WAPL: variants seen among roughly 807,000 people sequenced by gnomAD.
WAPL encodes the protein wings apart-like protein homolog.
In WAPL, 5 loss-of-function variants were observed where a neutral mutation model predicts 121.0. That is an observed-to-expected ratio of 0.04 (90% CI 0.02 to 0.09). WAPL has a LOEUF of 0.09. Among genes scored for constraint, WAPL ranks in the 10% least tolerant of loss-of-function variants. The pLI is 1.00. For synonymous variants in WAPL, 480 were observed against 481.5 expected (o/e 1.00, Z 0.04); for missense variants, 999 against 1,410.8 (o/e 0.71, Z 4.68).
intron 17 of WAPL, among the ~76,000 whole-genome samples, chr10:86,438,578 G>C (rs1849384651): frequency 6.6e-6 from 1 of 152,206 alleles, no homozygotes; most frequent in Non-Finnish European, 1.5e-5. Flanking sequence ...AAAGAAAAAG[G>C]CCTGAAATAA....
chr10:86,487,864 C>T (rs1474187606), intron 4 of WAPL, among the ~76,000 whole-genome samples: 1 of 152,130 alleles, frequency 6.6e-6, no homozygotes, highest in African/African-American at 2.4e-5. Context: ...CACTGCACTC[C>T]AGCCTGGGCA....
In WAPL at chr10:86,437,615, G is replaced by A. The variant is rs771007420; in HGVS notation, c.3508-7C>T. On this transcript the variant is annotated splice_region_variant and splice_polypyrimidine_tract_variant and intron_variant, in intron 18 of 18. Transcript: ENST00000298767. ...CAGTTGTTCCAACAGCACACTGAAA[G>A]CAGGGTGAAGGGGAAAGGAAGTAAC... The A allele has an allele frequency of 6.2e-7, 1 of 1,613,580 alleles. No individual in the cohort carries two copies. The highest frequency in any genetic ancestry group is 1.3e-5 in the African/African-American group (1 of 74,906).
intron 1 of WAPL, among the ~76,000 whole-genome samples, chr10:86,521,125 G>C (rs372125157): frequency 6.6e-6 from 1 of 152,244 alleles, no homozygotes; most frequent in African/African-American, 2.4e-5. Context: ...ACTCGGGGCT[G>C]AAATCAACAC....
At position 86,521,790 on chromosome 10, in the gene WAPL, C is replaced by T. The variant is rs1842688551; in HGVS notation, c.-448G>A. 5 of 434,868 alleles carry T rather than the reference C, an allele frequency of 1.1e-5. No individual in the cohort carries two copies. Among genetic ancestry groups the T allele is most frequent in the Admixed American group, 2.6e-5 (1 of 38,470 alleles). 26.9% of individuals were successfully genotyped at this position (434,868 alleles called of 1,614,324 possible). ...TTCCTCCAACAGCCGCTCGCTCCGT[C>T]ACTCCGCTTCCCACAGTCCCCGCGC... On this transcript the variant is annotated 5_prime_UTR_variant, in exon 1 of 19. Coordinates refer to ENST00000298767, the MANE Select transcript of WAPL (RefSeq NM_015045.5).
chr10:86,489,400 G>A (rs1841993960), intron 4 of WAPL, among the ~76,000 whole-genome samples: 1 of 152,186 alleles, frequency 6.6e-6, no homozygotes, highest in Non-Finnish European at 1.5e-5. Flanking sequence ...TGGGTATTCT[G>A]TGGCAGTAAA....
chr10:86,454,654 C>T (rs1336638454), intron 12 of WAPL, among the ~76,000 whole-genome samples: 1 of 152,148 alleles, frequency 6.6e-6, no homozygotes, highest in East Asian at 1.9e-4. Context: ...CCAGCCGCCA[C>T]CCTGTCTGGG....
intron 4 of WAPL, among the ~76,000 whole-genome samples, chr10:86,481,946 CTG>C (rs1841801021): frequency 6.6e-6 from 1 of 152,024 alleles, no homozygotes; most frequent in South Asian, 2.1e-4. Flanking sequence ...ACAGCAAACA[CTG>C]TGAAGAGAAG....
rs578256677 is a variant in WAPL, at chr10:86,521,693, A to C, written c.-351T>G. 6.3e-4 allele frequency: 293 copies of C among 463,804 alleles called. 5 individuals carry two copies. In the East Asian group the frequency reaches 0.021, roughly 33 times the overall value. 28.7% of individuals were successfully genotyped at this position (463,804 alleles called of 1,614,324 possible). A position where few individuals can be genotyped will look rare whatever the true frequency, so the allele number is the denominator to read the frequency against. On this transcript the variant is annotated 5_prime_UTR_variant, in exon 1 of 19. Coordinates refer to ENST00000298767, the MANE Select transcript of WAPL (RefSeq NM_015045.5). ...CCTGCGCCGCCGCTTCCGCCGGTGAATGGTCAGTGCTGGAGTTTGAACAGG... is the reference window on the plus strand; with the variant it reads ...CCTGCGCCGCCGCTTCCGCCGGTGACTGGTCAGTGCTGGAGTTTGAACAGG...
At chr10:86,473,611 T>C (rs548779569) in intron 5 of WAPL, among the ~76,000 whole-genome samples, 1 of 152,284 alleles carries the variant, frequency 6.6e-6, no homozygotes, top group South Asian at 2.1e-4. Flanking sequence ...ATACTATAAA[T>C]TCCATGAAAT....
Position 86,446,300 on chromosome 10 carries a change from A to C in WAPL, c.3264T>G (p.Asp1088Glu), listed in dbSNP as rs1417045964. The C allele has an allele frequency of 5.6e-6, 9 of 1,613,944 alleles. No homozygotes were observed. Among genetic ancestry groups the C allele is most frequent in the Non-Finnish European group, 6.8e-6 (8 of 1,180,012 alleles). ...EIQWVSTEKTDGTEEKHKKEE... is the reference protein window; with the variant it reads ...EIQWVSTEKTEGTEEKHKKEE... ...CCTTCTTATGTTTCTCTTCTGTACCATCAGTCTTTTCAGTTGACACCCACT... is the reference window on the plus strand; with the variant it reads ...CCTTCTTATGTTTCTCTTCTGTACCCTCAGTCTTTTCAGTTGACACCCACT... Residue 1088 changes from aspartate to glutamate, a missense_variant, in exon 16 of 19, where the codon GAT (aspartate) becomes GAG (glutamate). This residue lies in a region of WAPL where 126 missense variants were observed against 144.0 expected (regional missense o/e 0.87). Transcript: ENST00000298767.
intron 9 of WAPL, among the ~76,000 whole-genome samples, chr10:86,466,233 T>TA (rs1841392033): frequency 6.6e-6 from 1 of 152,170 alleles, no homozygotes; most frequent in African/African-American, 2.4e-5. Flanking sequence ...ATGAAGCAGT[T>TA]AGACACCCTG....
rs371957904 is a variant in WAPL, at chr10:86,521,525, TGG to T, written c.-185_-184del. 6 of 364,916 alleles carry T rather than the reference TGG, an allele frequency of 1.6e-5. No individual in the cohort carries two copies. Among genetic ancestry groups the T allele is most frequent in the African/African-American group, 1.4e-4 (6 of 43,408 alleles). 22.6% of individuals were successfully genotyped at this position (364,916 alleles called of 1,614,324 possible). On this transcript the variant is annotated 5_prime_UTR_variant, in exon 1 of 19. Coordinates refer to ENST00000298767, the MANE Select transcript of WAPL (RefSeq NM_015045.5). ...GCTTTCGGTAAATAGGAAGCCCGGT[TGG>T]GGGGGCAGGAGCGGCGGCCCCGCAA...
At chr10:86,491,301 G>A (rs1842042589) in intron 4 of WAPL, among the ~76,000 whole-genome samples, 1 of 151,316 alleles carries the variant, frequency 6.6e-6, no homozygotes, top group Non-Finnish European at 1.5e-5. Flanking sequence ...CACCACACAT[G>A]GCTAATTTTT....
rs1165503459 is a variant in WAPL, at chr10:86,500,290, G to C, written c.953C>G (p.Thr318Ser). Residue 318 changes from threonine (T) to serine (S), a missense_variant, in exon 3 of 19, where the codon ACC becomes AGC. Around this residue, in one of 7 missense-constraint regions of WAPL, gnomAD observed 531 missense variants for 563.1 expected, o/e 0.94. Transcript: ENST00000298767. The stretch of plus-strand genomic sequence containing the variant: ...GTTTGCTTTGGCTAAGGCCTGACTG[G>C]TGCCGTCCATCAGCTTATCAAAATT... The part of the protein sequence containing the change: ...ASNFDKLMDG[T>S]SQALAKANSE... The C allele has an allele frequency of 1.9e-6, 3 of 1,614,044 alleles. No individual in the cohort carries two copies. The highest frequency in any genetic ancestry group is 2.5e-6 in the Non-Finnish European group (3 of 1,180,034).
At chr10:86,440,626 C>T (rs11814316) in intron 17 of WAPL, among the ~76,000 whole-genome samples, 4,079 of 152,150 alleles carry the variant, frequency 0.027, 102 homozygotes, top group South Asian at 0.083. Context: ...AGGCCTGCCT[C>T]TTCCTCCTTT....
chr10:86,495,331 A>G (rs959527003), intron 4 of WAPL, among the ~76,000 whole-genome samples: 1 of 152,066 alleles, frequency 6.6e-6, no homozygotes, highest in African/African-American at 2.4e-5. Context: ...GCCAGGTATC[A>G]TAATGCACGC....
chr10:86,476,141 G>A (rs1040950327), intron 4 of WAPL, among the ~76,000 whole-genome samples: 2 of 152,114 alleles, frequency 1.3e-5, no homozygotes, highest in Non-Finnish European at 2.9e-5. Flanking sequence ...TGAGGCGGGC[G>A]GATCACGAGG....
chr10:86,513,098 G>C (rs1424726029), intron 2 of WAPL, among the ~76,000 whole-genome samples: 1 of 152,066 alleles, frequency 6.6e-6, no homozygotes, highest in Non-Finnish European at 1.5e-5. Context: ...CCAAGTTGGA[G>C]TGCAGTGGCA....
chr10:86,462,547 C>T (rs1841306874), intron 9 of WAPL, among the ~76,000 whole-genome samples: 1 of 151,722 alleles, frequency 6.6e-6, no homozygotes, highest in African/African-American at 2.4e-5. Context: ...TGGTAAAACC[C>T]CATCTCTACT....
Sources: gnomAD v4.1 joint callset for allele counts (sites outside exome capture counted in the v4.1 genomes callset) on GRCh38, gnomAD v4.1.1 for gene constraint, gnomAD v4.1.1 regional missense constraint, MANE v1.5 for transcripts, NCBI Gene and HGNC (gene_info 2026-07-23, HGNC 2026-07-21) for gene names.